The following FEZ2 variants were observed in gnomAD, a reference collection of about 807,000 sequenced individuals.
FEZ2 encodes the protein fasciculation and elongation protein zeta 2.
In FEZ2, 51 loss-of-function variants were observed where a neutral mutation model predicts 40.4. That is an observed-to-expected ratio of 1.26 (90% CI 1.01 to 1.59). The LOEUF is 1.59. Ranked by LOEUF, FEZ2 falls within the 40% of genes most tolerant of loss-of-function variation. The pLI, the probability that FEZ2 is intolerant of heterozygous loss-of-function variation, is 0.00. For synonymous variants in FEZ2, 242 were observed against 172.0 expected (o/e 1.41, Z -3.18); for missense variants, 640 against 438.3 (o/e 1.46, Z -4.11).
chr2:36,578,930 T>G, intron 4 of FEZ2, 65 bp from the exon 5 acceptor site: 1 of 1,379,612 alleles, frequency 7.2e-7, no homozygotes, highest in Non-Finnish European at 1.0e-6. Flanking sequence ...CAAAACAGAG[T>G]AGTCACTAGG....
intron 2 of FEZ2, among the ~76,000 whole-genome samples, chr2:36,586,370 C>T (rs1281142690): frequency 4.6e-5 from 7 of 152,168 alleles, no homozygotes; most frequent in African/African-American, 1.2e-4. Flanking sequence ...CACAGTGGCT[C>T]ATGCCTGTAA....
intron 5 of FEZ2, chr2:36,560,783 A>T: frequency 6.3e-7 from 1 of 1,585,352 alleles, no homozygotes; most frequent in Non-Finnish European, 8.6e-7. Context: ...ATAACCGAGC[A>T]CCTGTTTCTC....
At chr2:36,576,231 G>A (rs1009156419) in intron 5 of FEZ2, among the ~76,000 whole-genome samples, 2 of 151,870 alleles carry the variant, frequency 1.3e-5, no homozygotes, top group African/African-American at 4.8e-5. Context: ...CAGCCTACTT[G>A]TGTCACAGAT....
chr2:36,597,925 C>A lies in FEZ2; in HGVS notation c.218G>T (p.Arg73Met). The stretch of plus-strand genomic sequence containing the variant: ...CTCCGTGATGGGCCGCACGGCCGTC[C>A]TCGGGGGCTCGGCGCCCGGATCCGA... ...RPSDPGAEPP[R>M]TAVRPITERS... Residue 73 changes from arginine (R) to methionine (M), a missense_variant, in exon 1 of 8, where the codon AGG (arginine) becomes ATG (methionine). Transcript: ENST00000405912. 1 of 1,434,438 alleles carries A rather than the reference C, an allele frequency of 7.0e-7. No individual in the cohort carries two copies. Among genetic ancestry groups the A allele is most frequent in the Admixed American group, 2.7e-5 (1 of 36,862 alleles). 88.9% of individuals were successfully genotyped at this position (1,434,438 alleles called of 1,614,324 possible). A position where few individuals can be genotyped will look rare whatever the true frequency, so the allele number is the denominator to read the frequency against.
chr2:36,555,994 G>C (rs1207101537), intron 6 of FEZ2: 1 of 617,858 alleles, frequency 1.6e-6, no homozygotes, highest in Non-Finnish European at 3.1e-6. Context: ...TTGCTTCCCT[G>C]ATTTAAAATT....
At chr2:36,590,289 C>A (rs1218593665) in intron 2 of FEZ2, 1 of 152,238 alleles carries the variant, frequency 6.6e-6, no homozygotes, top group East Asian at 1.9e-4. Flanking sequence ...AAAAAGTTAA[C>A]TCCGTGTTGA....
rs775420674 is a variant in FEZ2 at position 36,555,712 on chromosome 2, G to A, written c.1016C>T (p.Pro339Leu). Residue 339 changes from proline to leucine, a missense_variant, in exon 7 of 8, where the codon CCG becomes CTG. Pro to Leu is a moderately conservative substitution (Grantham distance 98). Transcript: ENST00000405912. ...RAMKEDSEKV[P>L]SLLTDYILKV... ...CAGAATATAATCAGTTAACAAGCTC[G>A]GAACTTTTTCACTGTCCTCCTTCAT... The A allele has an allele frequency of 2.9e-5, 47 of 1,597,322 alleles. No individual in the cohort carries two copies. The highest frequency in any genetic ancestry group is 9.0e-5 in the East Asian group (4 of 44,644).
At position 36,553,192 on chromosome 2, in the gene FEZ2, G is replaced by C. The variant is rs1413844109; in HGVS notation, c.1046-13C>G. On this transcript the variant is annotated splice_polypyrimidine_tract_variant and intron_variant, in intron 7 of 7. Coordinates refer to ENST00000405912, the MANE Select transcript of FEZ2 (RefSeq NM_005102.3). ...GTAGGACACAGAACTAGAAGAAAAA[G>C]AGAACTTTTAGCTACAAATGTATAT... 5.2e-6 allele frequency: 8 copies of C among 1,547,364 alleles called. No homozygotes were observed. In the African/African-American group the frequency reaches 9.6e-5, roughly 19 times the overall value.
At chr2:36,569,527 T>TA (rs1347742159) in intron 5 of FEZ2, among the ~76,000 whole-genome samples, 5 of 152,094 alleles carry the variant, frequency 3.3e-5, no homozygotes, top group African/African-American at 9.7e-5. Flanking sequence ...TTCTGAACAA[T>TA]AAAAAGAAAA....
intron 7 of FEZ2, chr2:36,554,263 C>G (rs1414943425): frequency 2.1e-6 from 1 of 471,018 alleles, no homozygotes; most frequent in African/African-American, 2.0e-5. Flanking sequence ...AATTATAGTC[C>G]TAGGTTTTCA....
chr2:36,597,219 A>G (rs934823902), intron 1 of FEZ2, among the ~76,000 whole-genome samples: 1 of 152,026 alleles, frequency 6.6e-6, no homozygotes, highest in African/African-American at 2.4e-5. Flanking sequence ...CACAGGCAAT[A>G]TACTCCACCT....
In FEZ2 at chr2:36,552,991, C is replaced by A; in HGVS notation, c.*172G>T. 1 of 535,388 alleles carries A rather than the reference C, an allele frequency of 1.9e-6. No individual in the cohort carries two copies. Among genetic ancestry groups the A allele is most frequent in the Admixed American group, 3.5e-5 (1 of 28,506 alleles). 33.2% of individuals were successfully genotyped at this position (535,388 alleles called of 1,614,324 possible). A position where few individuals can be genotyped will look rare whatever the true frequency, so the allele number is the denominator to read the frequency against. Reference sequence around the variant, plus strand: ...AGAATTCAAAATAGTGCCCATATTTCCGTTGGTTCTATAATATAAAGAATT... The same window carrying A: ...AGAATTCAAAATAGTGCCCATATTTACGTTGGTTCTATAATATAAAGAATT... On this transcript the variant is annotated 3_prime_UTR_variant, in exon 8 of 8. Coordinates refer to ENST00000405912, the MANE Select transcript of FEZ2 (RefSeq NM_005102.3).
chr2:36,552,350 T>G lies in FEZ2; in HGVS notation c.*813A>C, dbSNP rs1667834536. The G allele has an allele frequency of 2.6e-6, 1 of 377,660 alleles. No homozygotes were observed. Among genetic ancestry groups the G allele is most frequent in the African/African-American group, 2.1e-5 (1 of 47,082 alleles). 23.4% of individuals were successfully genotyped at this position (377,660 alleles called of 1,614,324 possible). A position where few individuals can be genotyped will look rare whatever the true frequency, so the allele number is the denominator to read the frequency against. On this transcript the variant is annotated 3_prime_UTR_variant, in exon 8 of 8. Transcript: ENST00000405912. ...ATTGATGAATCCATAAGTAGCTGTA[T>G]CTAGAATTCATACTTAAGAAAAACA...
chr2:36,595,207 G>T (rs1227500509), intron 1 of FEZ2, among the ~76,000 whole-genome samples: 1 of 152,108 alleles, frequency 6.6e-6, no homozygotes, highest in African/African-American at 2.4e-5. Context: ...GCTTTGGGGT[G>T]ATTCAAGCAC....
intron 1 of FEZ2, among the ~76,000 whole-genome samples, chr2:36,593,807 T>C (rs1468795401): frequency 1.3e-5 from 2 of 151,782 alleles, no homozygotes; most frequent in Middle Eastern, 3.2e-3. Flanking sequence ...CTTACGCAAA[T>C]TTCTGCAGCT....
chr2:36,589,900 G>C (rs909625308), intron 2 of FEZ2: 3 of 152,134 alleles, frequency 2.0e-5, no homozygotes, highest in East Asian at 3.8e-4. Flanking sequence ...ATGAAATATA[G>C]AGCACGCAAG....
At chr2:36,578,026 ACTTGTTTT>A (rs1668626769) in intron 5 of FEZ2, among the ~76,000 whole-genome samples, 1 of 152,214 alleles carries the variant, frequency 6.6e-6, no homozygotes, top group Non-Finnish European at 1.5e-5. Flanking sequence ...GATGTTCTAA[ACTTGTTTT>A]CACCAGTCAG....
chr2:36,556,652 C>G (rs780637482), intron 6 of FEZ2: 3 of 152,214 alleles, frequency 2.0e-5, no homozygotes, highest in Non-Finnish European at 4.4e-5. Flanking sequence ...AGCTCTTCAT[C>G]TGTGAAATGA....
chr2:36,597,838 G>T (rs548369673), intron 1 of FEZ2, 39 bp downstream of exon 1: 1 of 1,317,844 alleles, frequency 7.6e-7, no homozygotes, highest in Non-Finnish European at 9.7e-7. Flanking sequence ...AGGGGTAGGG[G>T]AGGCTCCCGC....
Sources: gnomAD v4.1 joint callset for allele counts (sites outside exome capture counted in the v4.1 genomes callset) on GRCh38, gnomAD v4.1.1 for gene constraint, MANE v1.5 for transcripts, NCBI Gene and HGNC (gene_info 2026-07-23, HGNC 2026-07-21) for gene names.